MYH11: variants seen among roughly 807,000 people sequenced by gnomAD.
MYH11 encodes the protein myosin-11.
In MYH11, 80 loss-of-function variants were observed where a neutral mutation model predicts 246.6. The ratio of observed to expected loss-of-function variants is 0.32; its 90% CI spans 0.27 to 0.39. MYH11 has a LOEUF of 0.39. Ranked by LOEUF, MYH11 falls within the 10% of genes least tolerant of loss-of-function variation. The pLI is 1.00. For synonymous variants in MYH11, 1,071 were observed against 1,015.5 expected (o/e 1.05, Z -1.04); for missense variants, 2,158 against 2,546.8 (o/e 0.85, Z 3.29).
chr16:15,757,889 C>T lies in MYH11; in HGVS notation c.1513G>A (p.Glu505Lys), dbSNP rs747217502. 12 of 1,614,078 alleles carry T rather than the reference C, an allele frequency of 7.4e-6. No individual in the cohort carries two copies. Among genetic ancestry groups the T allele is most frequent in the Middle Eastern group, 1.6e-4 (1 of 6,084 alleles). The change falls in exon 13 of 41, where the codon GAG becomes AAG. Residue 505 changes from glutamate (E) to lysine (K), a missense_variant. Transcript: ENST00000300036. ...EQEEYQREGI[E>K]WNFIDFGLDL... Reference sequence around the variant, plus strand: ...AGCCCAAAGTCGATGAAGTTCCACTCGATGCCCTCGCGCTGGTACTCCTCC... The same window carrying T: ...AGCCCAAAGTCGATGAAGTTCCACTTGATGCCCTCGCGCTGGTACTCCTCC...
At chr16:15,850,720 C>T (rs1388723318) in intron 1 of MYH11, among the ~76,000 whole-genome samples, 12 of 152,080 alleles carry the variant, frequency 7.9e-5, no homozygotes, top group Non-Finnish European at 7.4e-5. Context: ...CATGGTGAAA[C>T]CCCATCTCTA....
chr16:15,717,424 G>T, intron 37 of MYH11, 76 bp from the exon 38 acceptor site: 1 of 1,476,324 alleles, frequency 6.8e-7, no homozygotes, highest in Non-Finnish European at 9.3e-7. Flanking sequence ...GCCTCTTCCT[G>T]CCTTGTTTGG....
chr16:15,736,803 A>C (rs777103579), intron 25 of MYH11, among the ~76,000 whole-genome samples: 44 of 152,158 alleles, frequency 2.9e-4, no homozygotes, highest in Middle Eastern at 3.2e-3. Context: ...CCGGCAGTAC[A>C]CCTGGCCAGG....
chr16:15,724,680 G>T lies in MYH11; in HGVS notation c.4083C>A (p.Asn1361Lys). The T allele has an allele frequency of 5.0e-6, 8 of 1,614,218 alleles. No individual in the cohort carries two copies. The highest frequency in any genetic ancestry group is 6.8e-6 in the Non-Finnish European group (8 of 1,180,042). The change falls in exon 30 of 41, where the codon AAC becomes AAA. Residue 1361 changes from asparagine (N) to lysine (K), a missense_variant. By Grantham distance (94) the Asn-to-Lys change is moderately conservative. Coordinates refer to ENST00000300036, the MANE Select transcript of MYH11 (RefSeq NM_002474.3). The part of the protein sequence containing the change: ...QLDEEMEAKQ[N>K]LERHISTLNI... The stretch of plus-strand genomic sequence containing the variant: ...TGAGAGTGGAGATGTGGCGCTCCAG[G>T]TTCTGCTTGGCCTCCATCTCCTCGT...
intron 25 of MYH11, among the ~76,000 whole-genome samples, chr16:15,736,851 G>A (rs1392987150): frequency 6.6e-6 from 1 of 152,116 alleles, no homozygotes; most frequent in Non-Finnish European, 1.5e-5. Flanking sequence ...ACTTAGCACC[G>A]AGTGAGCAGG....
At chr16:15,725,134 TAAAAAA>T (rs60544332) in intron 28 of MYH11, 142 bp from the exon 29 acceptor site, 1 of 540,920 alleles carries the variant, frequency 1.8e-6, no homozygotes, top group Non-Finnish European at 3.3e-6. Context: ...GGGACTCTGA[TAAAAAA>T]AAAAAAAAAC....
At chr16:15,756,622 A>T (rs1047926825) in intron 13 of MYH11, 108 bp from the exon 14 acceptor site, 1 of 1,133,036 alleles carries the variant, frequency 8.8e-7, no homozygotes, top group Admixed American at 1.9e-5. Context: ...GAGATCTGAT[A>T]CTGTATTTGC....
chr16:15,724,891 G>C lies in MYH11; in HGVS notation c.3960C>G (p.Thr1320=). Residue 1320 remains threonine, a synonymous_variant, in exon 29 of 41, where the codon ACC becomes ACG. Transcript: ENST00000300036. ...GATGATGTGGCAGGACACTCACCTG[G>C]GTGTCCTGGAGCTGGGAACTGAGGG... ...VASLSSQLQD[T]QELLQEETRQ... 1.2e-6 allele frequency: 2 copies of C among 1,614,000 alleles called. No individual in the cohort carries two copies. The highest frequency in any genetic ancestry group is 1.7e-6 in the Non-Finnish European group (2 of 1,179,956).
At position 15,758,658 on chromosome 16, in the gene MYH11, G is replaced by A. The variant is rs1473250283; in HGVS notation, c.1402-658C>T. On this transcript the variant is annotated intron_variant, in intron 12 of 40. Coordinates refer to ENST00000300036, the MANE Select transcript of MYH11 (RefSeq NM_002474.3). Reference sequence around the variant, plus strand: ...GTCTCTACCAAAAAAAAAAAAAAAAGTAGCCAGGCATGGTGGCACTAATCC... The same window carrying A: ...GTCTCTACCAAAAAAAAAAAAAAAAATAGCCAGGCATGGTGGCACTAATCC... Among the ~76,000 whole-genome samples, 7 of 149,426 alleles carry A rather than the reference G, an allele frequency of 4.7e-5. No individual in the cohort carries two copies. The East Asian group carries it at 1.4e-3, about 29-fold the overall frequency.
intron 1 of MYH11, among the ~76,000 whole-genome samples, chr16:15,845,952 A>G (rs915103718): frequency 2.0e-5 from 3 of 152,042 alleles, no homozygotes; most frequent in Non-Finnish European, 2.9e-5. Context: ...ATTAAAAATT[A>G]GCCAGGATTG....
chr16:15,763,671 A>G lies in MYH11; in HGVS notation c.1129+125T>C, dbSNP rs543121859. 1.2e-4 allele frequency: 99 copies of G among 831,834 alleles called. No homozygotes were observed. In the African/African-American group the frequency reaches 1.6e-3, roughly 13 times the overall value. 51.5% of individuals were successfully genotyped at this position (831,834 alleles called of 1,614,324 possible). The stretch of plus-strand genomic sequence containing the variant: ...AAGTTTGAAAAAGTGAGTGATAAGA[A>G]CCTAGTCCAACTGTTGTTAAAATCC... On this transcript the variant is annotated intron_variant, in intron 10 of 40. Transcript: ENST00000300036.
At chr16:15,785,254 T>G (rs570712216) in intron 5 of MYH11, 8 of 152,980 alleles carry the variant, frequency 5.2e-5, no homozygotes, top group African/African-American at 1.7e-4. Context: ...AGACAATGTC[T>G]GAGATGTGTT....
At chr16:15,855,273 G>C (rs1234725504) in intron 1 of MYH11, among the ~76,000 whole-genome samples, 2 of 152,192 alleles carry the variant, frequency 1.3e-5, no homozygotes, top group African/African-American at 4.8e-5. Context: ...GTTTCAGCTA[G>C]GTCACCCCCT....
rs199564260 is a variant in MYH11 at position 15,719,231 on chromosome 16, G to A, written c.5160C>T (p.Ser1720=). The part of the protein sequence containing the change: ...KEELAEELAS[S]LSGRNALQDE... ...ATTCAGTTTCCTACCTTCCCGACAG[G>A]CTACTGGCCAGCTCCTCTGCCAGTT... Residue 1720 remains serine, a synonymous_variant, in exon 36 of 41, where the codon AGC becomes AGT. Transcript: ENST00000300036. 1.4e-4 allele frequency: 218 copies of A among 1,613,612 alleles called. No individual in the cohort carries two copies. The highest frequency in any genetic ancestry group is 1.8e-4 in the Non-Finnish European group (209 of 1,180,002).
intron 1 of MYH11, among the ~76,000 whole-genome samples, chr16:15,854,056 C>A (rs986715544): frequency 6.6e-6 from 1 of 152,094 alleles, no homozygotes; most frequent in African/African-American, 2.4e-5. Context: ...AAACCCTAAA[C>A]AAATGTAATT....
intron 1 of MYH11, among the ~76,000 whole-genome samples, chr16:15,848,516 G>A (rs573958729): frequency 6.6e-6 from 1 of 152,218 alleles, no homozygotes; most frequent in South Asian, 2.1e-4. Context: ...TTACAGGCGT[G>A]AGCCACCGCA....
In MYH11 at chr16:15,848,228, C is replaced by CT. The variant is rs71134473; in HGVS notation, c.-18+8712dup. ...ATACTAGTAATAATAGTTGCTAAGT[C>CT]TTTTTTTTTTTTTTTTTTTTTTGAC... On this transcript the variant is annotated intron_variant, in intron 1 of 40. Coordinates refer to ENST00000300036, the MANE Select transcript of MYH11 (RefSeq NM_002474.3). Among the ~76,000 whole-genome samples, 153 of 104,378 alleles carry CT rather than the reference C, an allele frequency of 1.5e-3. 1 individual carries two copies. Among genetic ancestry groups the CT allele is most frequent in the African/African-American group, 3.2e-3 (93 of 29,510 alleles). 68.5% of individuals were successfully genotyped at this position (104,378 alleles called of 152,430 possible). A position where few individuals can be genotyped will look rare whatever the true frequency, so the allele number is the denominator to read the frequency against.
rs758779600 is a variant in MYH11 at position 15,823,312 on chromosome 16, C to T, written c.445G>A (p.Glu149Lys). 2 of 1,614,206 alleles carry T rather than the reference C, an allele frequency of 1.2e-6. No homozygotes were observed. The highest frequency in any genetic ancestry group is 1.7e-6 in the Non-Finnish European group (2 of 1,180,034). ...ATGGCGTAGATGTGAGGCGGCATCT[C>T]GTGCCTCTTCTTGCCCTTGTACATG... ...VDMYKGKKRHEMPPHIYAIAD... is the reference protein window; with the variant it reads ...VDMYKGKKRHKMPPHIYAIAD... The change falls in exon 3 of 41, where the codon GAG (glutamate) becomes AAG (lysine). Residue 149 changes from glutamate (E) to lysine (K), a missense_variant. By Grantham distance (56) the Glu-to-Lys change is moderately conservative. Coordinates refer to ENST00000300036, the MANE Select transcript of MYH11 (RefSeq NM_002474.3).
intron 5 of MYH11, chr16:15,786,116 ACG>A: frequency 3.3e-6 from 1 of 306,314 alleles, no homozygotes; most frequent in South Asian, 3.1e-5. Flanking sequence ...AACCCCTGGG[ACG>A]TTACAGAGAT....
Sources: gnomAD v4.1 joint callset for allele counts (sites outside exome capture counted in the v4.1 genomes callset) on GRCh38, gnomAD v4.1.1 for gene constraint, MANE v1.5 for transcripts, NCBI Gene and HGNC (gene_info 2026-07-23, HGNC 2026-07-21) for gene names.